CAMKK2: variants seen among roughly 807,000 people sequenced by gnomAD.
CAMKK2 encodes calcium/calmodulin-dependent protein kinase kinase 2.
CAMKK2 carries 30 observed loss-of-function variants against 67.2 expected under a neutral mutation model. That is an observed-to-expected ratio of 0.45 (90% CI 0.33 to 0.61). CAMKK2 has a LOEUF of 0.61. CAMKK2 is among the 20% of genes least tolerant of loss of function. The probability of loss-of-function intolerance (pLI) is 0.02; values close to 1 mark genes in which losing one functional copy is unlikely to be tolerated. For synonymous variants in CAMKK2, 322 were observed against 326.2 expected, an observed-to-expected ratio of 0.99 and a Z score of 0.14; for missense variants, 643 against 802.0, an observed-to-expected ratio of 0.80 and a Z score of 2.39.
intron 1 of CAMKK2, among the ~76,000 whole-genome samples, chr12:121,286,755 G>A (rs1198865702): frequency 6.6e-6 from 1 of 152,150 alleles, no homozygotes; most frequent in Non-Finnish European, 1.5e-5. Flanking sequence ...GGAAACTGAG[G>A]CACAGAGAGC....
At chr12:121,243,322 C>T (rs549410374) in intron 16 of CAMKK2, among the ~76,000 whole-genome samples, 5 of 151,704 alleles carry the variant, frequency 3.3e-5, no homozygotes, top group Admixed American at 1.3e-4. Flanking sequence ...TGAGCCACTG[C>T]ATCCAGCCTG....
chr12:121,257,719 T>C (rs2686346), intron 7 of CAMKK2, among the ~76,000 whole-genome samples: 89,757 of 151,992 alleles, frequency 0.59, 27,053 homozygotes, highest in East Asian at 0.76. Context: ...GCAGATTTGC[T>C]ATTGCTTCAG....
chr12:121,264,108 T>C (rs1894027316), intron 5 of CAMKK2, among the ~76,000 whole-genome samples, 169 bp from the exon 6 acceptor site: 1 of 152,234 alleles, frequency 6.6e-6, no homozygotes, highest in African/African-American at 2.4e-5. Context: ...CTGTCTCCTC[T>C]GCTGCTGGAA....
intron 8 of CAMKK2, 26 bp downstream of exon 8, chr12:121,255,757 C>G (rs762259472): frequency 6.2e-7 from 1 of 1,613,036 alleles, no homozygotes; most frequent in Non-Finnish European, 8.5e-7. Context: ...TCTTGCATCA[C>G]CCCTGCTGGG....
intron 1 of CAMKK2, among the ~76,000 whole-genome samples, chr12:121,279,754 CCT>C (rs1188635159): frequency 6.6e-6 from 1 of 152,244 alleles, no homozygotes; most frequent in African/African-American, 2.4e-5. Flanking sequence ...TACCCTGTTC[CCT>C]CTCACAGGGC....
intron 7 of CAMKK2, among the ~76,000 whole-genome samples, chr12:121,259,911 T>A (rs1373938392): frequency 2.0e-5 from 3 of 152,072 alleles, no homozygotes; most frequent in Admixed American, 2.0e-4. Context: ...AGTGACACTT[T>A]GTCTCTAGAA....
intron 14 of CAMKK2, among the ~76,000 whole-genome samples, chr12:121,246,902 G>A (rs1463415973): frequency 6.8e-6 from 1 of 147,590 alleles, no homozygotes; most frequent in Non-Finnish European, 1.5e-5. Context: ...CACACTGGCT[G>A]CTCCGTGTTT....
rs1888265777 is a variant in CAMKK2, at chr12:121,240,968, C to T, written c.1597-99G>A. The T allele has an allele frequency of 8.6e-7, 1 of 1,158,196 alleles. No homozygotes were observed. Among genetic ancestry groups the T allele is most frequent in the East Asian group, 2.4e-5 (1 of 42,034 alleles). 71.7% of individuals were successfully genotyped at this position (1,158,196 alleles called of 1,614,324 possible). ...ATCTGGGCCCCCTGCCCAAGTGGGC[C>T]GTCGCGCACCCCCTGGAACGTGATC... is the stretch of plus-strand genomic sequence containing the variant. On this transcript the variant is annotated intron_variant, in intron 16 of 16. Coordinates refer to ENST00000404169, the MANE Select transcript of CAMKK2 (RefSeq NM_001270485.2). The surrounding 1 kb of genome is among the most constrained non-coding windows in gnomAD (Gnocchi z 4.4).
intron 7 of CAMKK2, among the ~76,000 whole-genome samples, 170 bp from the exon 8 acceptor site, chr12:121,255,974 C>G (rs960214002): frequency 6.6e-6 from 1 of 152,148 alleles, no homozygotes; most frequent in African/African-American, 2.4e-5. Flanking sequence ...TCCTGCTTTG[C>G]TAAATTTCCA....
chr12:121,291,212 T>C (rs1899945772), intron 1 of CAMKK2, among the ~76,000 whole-genome samples: 1 of 152,172 alleles, frequency 6.6e-6, no homozygotes, highest in Non-Finnish European at 1.5e-5. Context: ...GGGAAACTGG[T>C]TCCTGAGTGA....
At chr12:121,280,646 G>A (rs971111455) in intron 1 of CAMKK2, among the ~76,000 whole-genome samples, 1 of 152,156 alleles carries the variant, frequency 6.6e-6, no homozygotes, top group African/African-American at 2.4e-5. Flanking sequence ...GCGTACCTAG[G>A]GGTAGGTCTC....
At chr12:121,266,785 C>G (rs1214364005) in intron 5 of CAMKK2, among the ~76,000 whole-genome samples, 1 of 152,114 alleles carries the variant, frequency 6.6e-6, no homozygotes, top group Non-Finnish European at 1.5e-5. Context: ...AGCCACCATG[C>G]CTGGCTGTTT....
intron 1 of CAMKK2, among the ~76,000 whole-genome samples, chr12:121,289,532 T>G (rs1012487826): frequency 6.6e-6 from 1 of 152,188 alleles, no homozygotes; most frequent in Admixed American, 6.5e-5. Context: ...CGGAAATGCT[T>G]TCCATCCCAT....
intron 7 of CAMKK2, among the ~76,000 whole-genome samples, chr12:121,259,538 C>T (rs1466487553): frequency 2.0e-5 from 3 of 152,180 alleles, no homozygotes; most frequent in Non-Finnish European, 4.4e-5. Flanking sequence ...TGACTTTTGG[C>T]ATATTGTGAT....
intron 14 of CAMKK2, among the ~76,000 whole-genome samples, chr12:121,247,638 G>A (rs1889768696): frequency 6.6e-6 from 1 of 152,208 alleles, no homozygotes; most frequent in Admixed American, 6.5e-5. Context: ...AGCCCCAGGT[G>A]GGGAAAGAGT....
intron 5 of CAMKK2, among the ~76,000 whole-genome samples, chr12:121,267,544 G>A (rs1343118388): frequency 6.6e-6 from 1 of 151,770 alleles, no homozygotes; most frequent in Non-Finnish European, 1.5e-5. Flanking sequence ...CCAGGCTGGA[G>A]TGCAGTGGCA....
At chr12:121,250,122 A>C (rs1890371268) in intron 11 of CAMKK2, 88 bp from the exon 12 acceptor site, 3 of 995,806 alleles carry the variant, frequency 3.0e-6, no homozygotes, top group Non-Finnish European at 4.7e-6. Flanking sequence ...TCCACATAGG[A>C]TACAGCAGAG....
chr12:121,244,168 C>A, intron 16 of CAMKK2: 1 of 1,601,808 alleles, frequency 6.2e-7, no homozygotes, highest in Non-Finnish European at 8.5e-7. Context: ...GGCTGGAGAG[C>A]CCCTAGCGAA....
In CAMKK2 at chr12:121,240,911, T is replaced by G; in HGVS notation, c.1597-42A>C. The G allele has an allele frequency of 6.2e-7, 1 of 1,602,180 alleles. No individual in the cohort carries two copies. Among genetic ancestry groups the G allele is most frequent in the Non-Finnish European group, 8.5e-7 (1 of 1,175,780 alleles). Reference sequence around the variant, plus strand: ...AAACCAACATTAAGACTCTGAGAAATGCCAGCGAGGCCCTGAGCCAGCTGC... The same window carrying G: ...AAACCAACATTAAGACTCTGAGAAAGGCCAGCGAGGCCCTGAGCCAGCTGC... On this transcript the variant is annotated intron_variant, in intron 16 of 16. Transcript: ENST00000404169. This position sits in a 1 kb window ranked among gnomAD's most constrained non-coding sequence, Gnocchi z 4.4.
Sources: allele counts gnomAD v4.1 joint callset (sites outside exome capture counted in the v4.1 genomes callset), GRCh38; gene constraint gnomAD v4.1.1; non-coding constraint Gnocchi (gnomAD v3.1); transcripts MANE v1.5; gene names NCBI Gene and HGNC (gene_info 2026-07-23, HGNC 2026-07-21).